The following KCNAB1 variants were observed in gnomAD, a reference collection of about 807,000 sequenced individuals.
KCNAB1 encodes the protein voltage-gated potassium channel subunit beta-1.
KCNAB1 carries 35 observed loss-of-function variants against 64.6 expected under a neutral mutation model. The observed-to-expected ratio is 0.54, with a 90% CI of 0.41 to 0.72. The LOEUF is 0.72. Ranked by LOEUF, KCNAB1 falls within the 30% of genes least tolerant of loss-of-function variation. The pLI is 0.00. For missense variants in KCNAB1, 401 were observed against 512.9 expected, an observed-to-expected ratio of 0.78 and a Z score of 2.11; for synonymous variants, 177 against 183.8, an observed-to-expected ratio of 0.96 and a Z score of 0.30.
intron 1 of KCNAB1, among the ~76,000 whole-genome samples, chr3:156,245,031 T>C (rs1717372056): frequency 6.6e-6 from 1 of 152,220 alleles, no homozygotes; most frequent in Non-Finnish European, 1.5e-5. Context: ...TCACTGTTTC[T>C]AAAAGGGTCA....
rs576884591 is a variant in KCNAB1 at position 156,401,734 on chromosome 3, G to T, written c.276-19882G>T. Among the ~76,000 whole-genome samples the T allele has an allele frequency of 3.3e-5, 5 of 152,252 alleles. No homozygotes were observed. In the South Asian group the frequency reaches 1.0e-3, roughly 32 times the overall value. On this transcript the variant is annotated intron_variant, in intron 1 of 13. Coordinates refer to ENST00000490337, the MANE Select transcript of KCNAB1 (RefSeq NM_172160.3). ...AAAGGCCTGCAGCCAACTTTCCAAA[G>T]AACTTTGTCCAAAATGAGCCAAATT...
At chr3:156,333,343 TAC>T (rs947503880) in intron 1 of KCNAB1, among the ~76,000 whole-genome samples, 87 of 119,324 alleles carry the variant, frequency 7.3e-4, no homozygotes, top group East Asian at 1.8e-3. Context: ...CACACACACA[TAC>T]ACACACACAC....
intron 1 of KCNAB1, among the ~76,000 whole-genome samples, chr3:156,307,190 A>T (rs1330608156): frequency 6.6e-6 from 1 of 152,190 alleles, no homozygotes; most frequent in Non-Finnish European, 1.5e-5. Context: ...GCATCATTTC[A>T]AGATAGAAAC....
intron 1 of KCNAB1, among the ~76,000 whole-genome samples, chr3:156,236,613 C>T (rs761014673): frequency 2.6e-5 from 4 of 152,148 alleles, no homozygotes; most frequent in Non-Finnish European, 4.4e-5. Flanking sequence ...ATTACATCAA[C>T]TTGATACTTT....
rs112929627 is a variant in KCNAB1, at chr3:156,536,261, C to T, written c.1171-397C>T. ...AGATGTGACTTAGTACCAAAAACAA[C>T]TGTCAAGTATCTTTTCTATATTGAT... On this transcript the variant is annotated intron_variant, in intron 13 of 13. Transcript: ENST00000490337. Among the ~76,000 whole-genome samples the T allele has an allele frequency of 3.0e-3, 451 of 152,324 alleles. 3 individuals carry two copies. Among genetic ancestry groups the T allele is most frequent in the African/African-American group, 0.01 (429 of 41,580 alleles).
intron 7 of KCNAB1, among the ~76,000 whole-genome samples, chr3:156,470,273 G>T (rs1713786595): frequency 6.6e-6 from 1 of 152,174 alleles, no homozygotes; most frequent in African/African-American, 2.4e-5. Context: ...GTCCCCTCAG[G>T]TTCTAAAATC....
At chr3:156,296,527 G>A (rs1403605922) in intron 1 of KCNAB1, among the ~76,000 whole-genome samples, 1 of 148,502 alleles carries the variant, frequency 6.7e-6, no homozygotes, top group African/African-American at 2.5e-5. Context: ...AGGCTGGAGG[G>A]CAGTGGCGCC....
chr3:156,143,569 G>GTTGT (rs1443482013), intron 1 of KCNAB1: 2 of 297,060 alleles, frequency 6.7e-6, no homozygotes, highest in African/African-American at 5.8e-5. Context: ...TTGCATTCTT[G>GTTGT]TTTTTTTTTT....
intron 1 of KCNAB1, among the ~76,000 whole-genome samples, chr3:156,326,341 T>A (rs1379486618): frequency 5.9e-5 from 9 of 152,154 alleles, no homozygotes; most frequent in Non-Finnish European, 1.3e-4. Flanking sequence ...GCCCAGCTTA[T>A]AACCATTATC....
chr3:156,530,676 G>A (rs1718640012), intron 12 of KCNAB1, among the ~76,000 whole-genome samples: 1 of 152,100 alleles, frequency 6.6e-6, no homozygotes. Context: ...AGAAGTGAGG[G>A]GTGTGAGGGT....
At chr3:156,239,080 A>G (rs944822048) in intron 1 of KCNAB1, among the ~76,000 whole-genome samples, 1 of 152,262 alleles carries the variant, frequency 6.6e-6, no homozygotes, top group African/African-American at 2.4e-5. Context: ...GAAAAACCAT[A>G]ATAAATTTGA....
At chr3:156,140,892 G>C (rs896648071) in intron 1 of KCNAB1, among the ~76,000 whole-genome samples, 1 of 152,124 alleles carries the variant, frequency 6.6e-6, no homozygotes, top group Non-Finnish European at 1.5e-5. Flanking sequence ...GCATGTGCGC[G>C]TGTGTGAAGA....
At chr3:156,181,116 A>T (rs74482595) in intron 1 of KCNAB1, among the ~76,000 whole-genome samples, 1 of 152,088 alleles carries the variant, frequency 6.6e-6, no homozygotes, top group African/African-American at 2.4e-5. Flanking sequence ...ATTAGAGCAC[A>T]CCCTAATGAT....
chr3:156,523,715 G>T, intron 11 of KCNAB1, 112 bp from the exon 12 acceptor site: 1 of 992,600 alleles, frequency 1.0e-6, no homozygotes, highest in Non-Finnish European at 1.5e-6. Context: ...GAAACATAAG[G>T]GTCAAAAAAT....
chr3:156,369,874 A>G (rs1057300150), intron 1 of KCNAB1, among the ~76,000 whole-genome samples: 10 of 152,216 alleles, frequency 6.6e-5, no homozygotes, highest in Non-Finnish European at 1.5e-4. Flanking sequence ...ATTTGCTCCA[A>G]CTGTCACATC....
intron 1 of KCNAB1, among the ~76,000 whole-genome samples, chr3:156,247,668 T>C (rs1227468227): frequency 6.6e-6 from 1 of 152,060 alleles, no homozygotes; most frequent in East Asian, 1.9e-4. Flanking sequence ...GTTCAGGTGA[T>C]CCTCCCACCT....
At chr3:156,327,466 A>C (rs1377358725) in intron 1 of KCNAB1, among the ~76,000 whole-genome samples, 1 of 152,152 alleles carries the variant, frequency 6.6e-6, no homozygotes, top group Non-Finnish European at 1.5e-5. Flanking sequence ...TTCAAGCCAT[A>C]TTTAGCAAGT....
intron 11 of KCNAB1, 178 bp from the exon 12 acceptor site, chr3:156,523,649 A>G (rs1307201017): frequency 1.6e-6 from 1 of 634,168 alleles, no homozygotes; most frequent in Non-Finnish European, 2.8e-6. Context: ...GAACCAATAA[A>G]CAAGGAGCAA....
intron 1 of KCNAB1, among the ~76,000 whole-genome samples, chr3:156,147,547 C>CT (rs578009625): frequency 1.5e-4 from 23 of 151,890 alleles, no homozygotes; most frequent in South Asian, 1.0e-3. Flanking sequence ...CTTTTTTATT[C>CT]TTTTTTTTAA....
Sources: allele counts gnomAD v4.1 joint callset (sites outside exome capture counted in the v4.1 genomes callset), GRCh38; gene constraint gnomAD v4.1.1; transcripts MANE v1.5; gene names NCBI Gene and HGNC (gene_info 2026-07-23, HGNC 2026-07-21).